ROBO2: variants seen among roughly 807,000 people sequenced by gnomAD.
ROBO2 encodes roundabout homolog 2.
ROBO2 carries 53 observed loss-of-function variants against 160.8 expected under a neutral mutation model. The observed-to-expected ratio is 0.33, with a 90% CI of 0.26 to 0.41. ROBO2 has a LOEUF of 0.41. Ranked by LOEUF, ROBO2 falls within the 10% of genes least tolerant of loss-of-function variation. ROBO2 has a pLI of 1.00. For synonymous variants in ROBO2, 664 were observed against 611.7 expected (o/e 1.09, Z -1.26); for missense variants, 1,577 against 1,722.4 (o/e 0.92, Z 1.49).
At chr3:76,961,247 G>GAAAAAA (rs371889909) in intron 2 of ROBO2, among the ~76,000 whole-genome samples, 36 of 54,436 alleles carry the variant, frequency 6.6e-4, no homozygotes, top group African/African-American at 1.7e-3. Flanking sequence ...GTGCCACAGA[G>GAAAAAA]AAAAAAAAAA....
intron 2 of ROBO2, among the ~76,000 whole-genome samples, chr3:76,207,666 A>T (rs1308081210): frequency 6.6e-6 from 1 of 152,214 alleles, no homozygotes; most frequent in African/African-American, 2.4e-5. Context: ...GAACTTGGTG[A>T]AATTGACAAA....
At chr3:76,539,753 A>G (rs1368380621) in intron 2 of ROBO2, among the ~76,000 whole-genome samples, 1 of 152,226 alleles carries the variant, frequency 6.6e-6, no homozygotes, top group East Asian at 1.9e-4. Context: ...CAGAAAGCTG[A>G]AAGCATTAAA....
At chr3:77,411,558 C>T (rs924418627) in intron 2 of ROBO2, among the ~76,000 whole-genome samples, 6 of 152,056 alleles carry the variant, frequency 3.9e-5, no homozygotes, top group Admixed American at 3.9e-4. Context: ...TGAGGAAGTC[C>T]TTCACACCTT....
chr3:76,432,628 G>A (rs2076488319), intron 2 of ROBO2, among the ~76,000 whole-genome samples: 1 of 152,112 alleles, frequency 6.6e-6, no homozygotes, highest in African/African-American at 2.4e-5. Context: ...CATAGCAGCT[G>A]GATTCCCTCA....
chr3:76,601,297 A>G (rs2087122722), intron 2 of ROBO2, among the ~76,000 whole-genome samples: 1 of 152,132 alleles, frequency 6.6e-6, no homozygotes, highest in Admixed American at 6.5e-5. Flanking sequence ...CCCTCTTCTC[A>G]CAGGTCCACT....
intron 2 of ROBO2, among the ~76,000 whole-genome samples, chr3:76,018,866 A>G (rs1441060638): frequency 6.6e-6 from 1 of 151,928 alleles, no homozygotes; most frequent in East Asian, 1.9e-4. Flanking sequence ...ATTCCTTGGA[A>G]TTGGCTAATA....
chr3:76,115,278 G>A (rs952693727), intron 2 of ROBO2, among the ~76,000 whole-genome samples: 11 of 152,084 alleles, frequency 7.2e-5, no homozygotes, highest in East Asian at 1.9e-4. Flanking sequence ...GCACCAATTC[G>A]AATTAAAAAA....
chr3:76,798,606 A>G (rs1189013494), intron 2 of ROBO2, among the ~76,000 whole-genome samples: 1 of 152,176 alleles, frequency 6.6e-6, no homozygotes, highest in Non-Finnish European at 1.5e-5. Context: ...AAAACTGGAT[A>G]TAAGGCTAGG....
At chr3:76,814,692 C>A (rs1480268523) in intron 2 of ROBO2, among the ~76,000 whole-genome samples, 2 of 151,882 alleles carry the variant, frequency 1.3e-5, no homozygotes, top group Non-Finnish European at 2.9e-5. Context: ...AGAGATAGGT[C>A]TGTAAACCAT....
At chr3:76,214,046 G>C (rs1474129376) in intron 2 of ROBO2, among the ~76,000 whole-genome samples, 1 of 152,056 alleles carries the variant, frequency 6.6e-6, no homozygotes, top group Admixed American at 6.5e-5. Context: ...ATAATGTTTT[G>C]CCAGCTATCT....
chr3:76,341,475 G>T (rs1576543101), intron 2 of ROBO2, among the ~76,000 whole-genome samples: 1 of 141,050 alleles, frequency 7.1e-6, no homozygotes. Context: ...TACGTGTCTT[G>T]CAAATGTATA....
At chr3:77,634,809 G>A (rs537885351) in intron 23 of ROBO2, 61 bp from the exon 25 acceptor site, 1 of 1,499,146 alleles carries the variant, frequency 6.7e-7, no homozygotes, top group South Asian at 1.1e-5. Context: ...AGAAATATAG[G>A]ACAGAATCAG....
intron 2 of ROBO2, among the ~76,000 whole-genome samples, chr3:76,192,024 T>G (rs1702028402): frequency 6.6e-6 from 1 of 152,074 alleles, no homozygotes; most frequent in Non-Finnish European, 1.5e-5. Context: ...TCTAGAAAAA[T>G]TATTGGTTTC....
At chr3:76,441,040 A>G (rs762513307) in intron 2 of ROBO2, among the ~76,000 whole-genome samples, 7 of 152,142 alleles carry the variant, frequency 4.6e-5, no homozygotes, top group African/African-American at 7.2e-5. Context: ...GTTATATTCA[A>G]TGGGCTTGAT....
At chr3:76,508,451 T>A (rs1277629738) in intron 2 of ROBO2, among the ~76,000 whole-genome samples, 1 of 152,152 alleles carries the variant, frequency 6.6e-6, no homozygotes, top group Non-Finnish European at 1.5e-5. Flanking sequence ...AATTTGGACC[T>A]ACTCAATCTA....
chr3:76,020,668 A>G (rs2066549103), intron 2 of ROBO2, among the ~76,000 whole-genome samples: 1 of 151,666 alleles, frequency 6.6e-6, no homozygotes, highest in South Asian at 2.1e-4. Flanking sequence ...TCCTTTCTTT[A>G]TTCCCAAATT....
chr3:76,434,617 A>T (rs1350721870), intron 2 of ROBO2: 2 of 1,501,214 alleles, frequency 1.3e-6, no homozygotes, highest in African/African-American at 2.7e-5. Context: ...GACTGCCTGG[A>T]GCAAAACGGG....
intron 2 of ROBO2, among the ~76,000 whole-genome samples, chr3:77,402,190 GA>G (rs2075858690): frequency 6.6e-6 from 1 of 151,972 alleles, no homozygotes; most frequent in Admixed American, 6.6e-5. Context: ...AAGAAAACCA[GA>G]AATCAAACAC....
At chr3:76,458,654 T>C (rs11929649) in intron 2 of ROBO2, among the ~76,000 whole-genome samples, 6,864 of 152,186 alleles carry the variant, frequency 0.045, 466 homozygotes, top group African/African-American at 0.15. Flanking sequence ...GATAAAGACA[T>C]ATCCAAGACT....
Sources: allele counts gnomAD v4.1 joint callset (sites outside exome capture counted in the v4.1 genomes callset), GRCh38; gene constraint gnomAD v4.1.1; transcripts MANE v1.5; gene names NCBI Gene and HGNC (gene_info 2026-07-23, HGNC 2026-07-21).